GPC5: variants seen among roughly 807,000 people sequenced by gnomAD.
The protein encoded by GPC5 is glypican 5.
In GPC5, 47 loss-of-function variants were observed where a neutral mutation model predicts 53.9. That is an observed-to-expected ratio of 0.87 (90% CI 0.69 to 1.11). The LOEUF (loss-of-function observed/expected upper bound fraction) is 1.11, where lower values mean the gene tolerates loss of function less well. GPC5 is among the 50% of genes most tolerant of loss of function. GPC5 has a pLI of 0.00. For missense variants in GPC5, 748 were observed against 713.1 expected (o/e 1.05, Z -0.56); for synonymous variants, 286 against 263.3 (o/e 1.09, Z -0.84).
At chr13:92,074,124 C>T (rs1476980964) in intron 6 of GPC5, among the ~76,000 whole-genome samples, 3 of 152,062 alleles carry the variant, frequency 2.0e-5, no homozygotes, top group Non-Finnish European at 4.4e-5. Flanking sequence ...TGAGTGAATA[C>T]ATTGAGGACA....
chr13:92,028,308 C>T (rs2040815924), intron 6 of GPC5, among the ~76,000 whole-genome samples: 1 of 152,026 alleles, frequency 6.6e-6, no homozygotes, highest in Non-Finnish European at 1.5e-5. Context: ...ATAGAAACAG[C>T]AGGTCCAGCT....
At chr13:92,499,216 G>C (rs1179294445) in intron 7 of GPC5, among the ~76,000 whole-genome samples, 2 of 152,116 alleles carry the variant, frequency 1.3e-5, no homozygotes, top group Admixed American at 6.5e-5. Context: ...GGTGGCTCCA[G>C]GGTTCAAACA....
At chr13:92,221,628 A>C (rs985889856) in intron 7 of GPC5, among the ~76,000 whole-genome samples, 1 of 152,078 alleles carries the variant, frequency 6.6e-6, no homozygotes, top group Non-Finnish European at 1.5e-5. Flanking sequence ...TTTAAACCCT[A>C]AAGTTCTGTC....
At chr13:92,820,864 C>T (rs1877651208) in intron 7 of GPC5, among the ~76,000 whole-genome samples, 1 of 152,096 alleles carries the variant, frequency 6.6e-6, no homozygotes, top group Non-Finnish European at 1.5e-5. Flanking sequence ...TCATTACTTT[C>T]CTATTAATTA....
At chr13:92,757,601 C>T (rs1304085830) in intron 7 of GPC5, among the ~76,000 whole-genome samples, 1 of 152,140 alleles carries the variant, frequency 6.6e-6, no homozygotes, top group African/African-American at 2.4e-5. Flanking sequence ...GGGCTAATAT[C>T]CAGAATCTAC....
intron 2 of GPC5, among the ~76,000 whole-genome samples, chr13:91,497,870 A>G (rs561596480): frequency 1.3e-5 from 2 of 152,312 alleles, no homozygotes; most frequent in South Asian, 2.1e-4. Context: ...TGATACAGGC[A>G]TGCAAGGTGT....
chr13:91,554,127 A>G (rs1011420308), intron 2 of GPC5, among the ~76,000 whole-genome samples: 2 of 152,198 alleles, frequency 1.3e-5, no homozygotes, highest in East Asian at 3.9e-4. Flanking sequence ...TGGACCTTCT[A>G]GTTTGCATTC....
chr13:91,998,836 GA>G (rs1566386252), intron 6 of GPC5, among the ~76,000 whole-genome samples: 1 of 152,160 alleles, frequency 6.6e-6, no homozygotes, highest in Non-Finnish European at 1.5e-5. Flanking sequence ...GTCCTGGTAT[GA>G]GAAAACCTAA....
chr13:91,905,949 T>C (rs1332592471), intron 5 of GPC5, among the ~76,000 whole-genome samples: 3 of 152,074 alleles, frequency 2.0e-5, no homozygotes, highest in East Asian at 1.9e-4. Flanking sequence ...GGATGACTTG[T>C]ATAGTGGTGA....
At chr13:91,459,399 A>G (rs1881783939) in intron 2 of GPC5, among the ~76,000 whole-genome samples, 1 of 152,068 alleles carries the variant, frequency 6.6e-6, no homozygotes, top group Non-Finnish European at 1.5e-5. Context: ...GGGTGTTTGC[A>G]GTGGAGGTGG....
At chr13:91,821,479 A>G (rs556661225) in intron 5 of GPC5, among the ~76,000 whole-genome samples, 2 of 152,306 alleles carry the variant, frequency 1.3e-5, no homozygotes, top group South Asian at 2.1e-4. Context: ...ACTTCCTACA[A>G]TGTTGAATAA....
At chr13:92,172,362 C>T (rs1289182130) in intron 7 of GPC5, among the ~76,000 whole-genome samples, 1 of 151,914 alleles carries the variant, frequency 6.6e-6, no homozygotes, top group Non-Finnish European at 1.5e-5. Flanking sequence ...GGTATGAGTG[C>T]CAAAATGAAA....
intron 3 of GPC5, among the ~76,000 whole-genome samples, chr13:91,728,182 G>C (rs117840083): frequency 0.022 from 3,322 of 152,148 alleles, 62 homozygotes; most frequent in Non-Finnish European, 0.037. Context: ...AATAGGACAA[G>C]TATGTGATTA....
chr13:92,099,929 C>T (rs984241003), intron 6 of GPC5, among the ~76,000 whole-genome samples: 6 of 152,168 alleles, frequency 3.9e-5, no homozygotes, highest in African/African-American at 1.4e-4. Context: ...TGGTGAAATC[C>T]TTAAAGCTGA....
At chr13:91,694,007 A>G (rs1417161940) in intron 3 of GPC5, 126 bp downstream of exon 3, 3 of 757,244 alleles carry the variant, frequency 4.0e-6, no homozygotes, top group East Asian at 5.4e-5. Flanking sequence ...ATTTTTTTAT[A>G]TCTTATGATA....
At chr13:92,496,486 A>G (rs1346893474) in intron 7 of GPC5, among the ~76,000 whole-genome samples, 1 of 152,184 alleles carries the variant, frequency 6.6e-6, no homozygotes, top group Non-Finnish European at 1.5e-5. Flanking sequence ...AAGAATAATT[A>G]CCTCATCTGC....
intron 7 of GPC5, among the ~76,000 whole-genome samples, chr13:92,861,605 A>G (rs1244018149): frequency 6.6e-6 from 1 of 152,194 alleles, no homozygotes; most frequent in East Asian, 1.9e-4. Flanking sequence ...TTTTACGTTC[A>G]AGACATCTTT....
intron 7 of GPC5, among the ~76,000 whole-genome samples, chr13:92,236,477 G>T (rs923320537): frequency 1.3e-5 from 2 of 152,004 alleles, no homozygotes; most frequent in African/African-American, 4.8e-5. Flanking sequence ...AAAAATAGAA[G>T]AATATATGTG....
chr13:92,241,631 T>A (rs1002844794), intron 7 of GPC5: 1 of 152,196 alleles, frequency 6.6e-6, no homozygotes, highest in Non-Finnish European at 1.5e-5. Context: ...AGCCTTGAAA[T>A]GTCATTTTAT....
Sources: gnomAD v4.1 joint callset for allele counts (sites outside exome capture counted in the v4.1 genomes callset) on GRCh38, gnomAD v4.1.1 for gene constraint, MANE v1.5 for transcripts, NCBI Gene and HGNC (gene_info 2026-07-23, HGNC 2026-07-21) for gene names.